The following CSMD1 variants were observed in gnomAD, a reference collection of about 807,000 sequenced individuals.
CSMD1 encodes CUB and sushi domain-containing protein 1.
In CSMD1, 213 loss-of-function variants were observed where a neutral mutation model predicts 417.5. The observed-to-expected ratio is 0.51, with a 90% CI of 0.46 to 0.57. The LOEUF (loss-of-function observed/expected upper bound fraction) is 0.57. CSMD1 is among the 20% of genes least tolerant of loss of function. The pLI is 0.00. For synonymous variants in CSMD1, 2,862 were observed against 1,736.8 expected (o/e 1.65, Z -16.11); for missense variants, 6,923 against 4,529.7 (o/e 1.53, Z -15.17).
intron 1 of CSMD1, among the ~76,000 whole-genome samples, chr8:4,915,666 G>A (rs976429185): frequency 6.6e-6 from 1 of 152,206 alleles, no homozygotes; most frequent in African/African-American, 2.4e-5. Context: ...ACGAGGGAAC[G>A]TTAGCGCCCG....
intron 42 of CSMD1, among the ~76,000 whole-genome samples, chr8:3,110,706 T>C (rs1408676200): frequency 2.6e-5 from 4 of 152,202 alleles, no homozygotes; most frequent in Admixed American, 1.3e-4. Flanking sequence ...ATGTAACTGC[T>C]TTTTCTAACT....
intron 63 of CSMD1, among the ~76,000 whole-genome samples, chr8:2,956,469 T>G (rs1803017159): frequency 6.6e-6 from 1 of 151,994 alleles, no homozygotes; most frequent in South Asian, 2.1e-4. Flanking sequence ...TATTTTTTAT[T>G]TATTTTTTGA....
rs191244840 is a variant in CSMD1, at chr8:4,528,739, G to T, written c.302+108603C>A. On this transcript the variant is annotated intron_variant, in intron 2 of 69. Coordinates refer to ENST00000635120, the MANE Select transcript of CSMD1 (RefSeq NM_033225.6). Reference sequence around the variant, plus strand: ...TTTTGTAGGTCAAAAAAATGTTTAAGTAAGATGAGAATGCTGCTGAATTTT... The same window carrying T: ...TTTTGTAGGTCAAAAAAATGTTTAATTAAGATGAGAATGCTGCTGAATTTT... Among the ~76,000 whole-genome samples, 352 of 152,084 alleles carry T rather than the reference G, an allele frequency of 2.3e-3. 1 individual carries two copies. The highest frequency in any genetic ancestry group is 8.1e-3 in the African/African-American group (338 of 41,480).
At chr8:3,380,513 G>A (rs562306630) in intron 18 of CSMD1, among the ~76,000 whole-genome samples, 1 of 152,140 alleles carries the variant, frequency 6.6e-6, no homozygotes, top group Non-Finnish European at 1.5e-5. Context: ...TGATAGGCTG[G>A]ATAAAGACAA....
chr8:4,337,386 G>A (rs906571200), intron 3 of CSMD1, among the ~76,000 whole-genome samples: 1 of 152,012 alleles, frequency 6.6e-6, no homozygotes, highest in Non-Finnish European at 1.5e-5. Context: ...CCCTTCTTCA[G>A]TAAACAGGTA....
chr8:4,179,052 T>G lies in CSMD1; in HGVS notation c.416-146953A>C, dbSNP rs189182627. Among the ~76,000 whole-genome samples the G allele has an allele frequency of 6.2e-3, 950 of 152,282 alleles. 10 individuals are homozygous for G. The highest frequency in any genetic ancestry group is 0.021 in the African/African-American group (867 of 41,546). ...CATCCCCATCAAGCTACCAATGACT[T>G]TCTTCACATAATTAGAAAAAACTAC... On this transcript the variant is annotated intron_variant, in intron 3 of 69. Coordinates refer to ENST00000635120, the MANE Select transcript of CSMD1 (RefSeq NM_033225.6).
chr8:3,499,654 G>C (rs1400996905), intron 10 of CSMD1, among the ~76,000 whole-genome samples: 1 of 152,006 alleles, frequency 6.6e-6, no homozygotes, highest in Non-Finnish European at 1.5e-5. Flanking sequence ...CCTGTCTTGA[G>C]AGTGGCCTCC....
chr8:4,304,431 G>C (rs950892703), intron 3 of CSMD1, among the ~76,000 whole-genome samples: 2 of 152,146 alleles, frequency 1.3e-5, no homozygotes, highest in East Asian at 1.9e-4. Flanking sequence ...GTGAATTTAA[G>C]TTCCAAAAGT....
chr8:3,359,437 A>G (rs1168759156), intron 20 of CSMD1, 97 bp from the exon 21 acceptor site: 6 of 936,626 alleles, frequency 6.4e-6, no homozygotes, highest in Non-Finnish European at 1.5e-6. Flanking sequence ...AAAAAAAAAA[A>G]AAAAAACCTA....
intron 12 of CSMD1, among the ~76,000 whole-genome samples, chr8:3,462,158 A>G (rs927438117): frequency 1.2e-4 from 18 of 150,790 alleles, no homozygotes; most frequent in Admixed American, 1.2e-3. Flanking sequence ...CGGGACCCAC[A>G]CTGCATTTCT....
chr8:4,625,463 A>G (rs972460985), intron 2 of CSMD1, among the ~76,000 whole-genome samples: 14 of 152,088 alleles, frequency 9.2e-5, no homozygotes, highest in African/African-American at 3.4e-4. Flanking sequence ...TATGAGCACA[A>G]TCATCGTAAA....
At chr8:3,458,131 T>C (rs961111215) in intron 12 of CSMD1, among the ~76,000 whole-genome samples, 2 of 152,208 alleles carry the variant, frequency 1.3e-5, no homozygotes, top group South Asian at 4.1e-4. Context: ...TCATTTCCAC[T>C]ACATCTTATC....
At chr8:3,200,659 G>C (rs1796947035) in intron 32 of CSMD1, among the ~76,000 whole-genome samples, 1 of 151,964 alleles carries the variant, frequency 6.6e-6, no homozygotes, top group Non-Finnish European at 1.5e-5. Context: ...TGGGAGGTGT[G>C]TGAATTGGCA....
At chr8:3,502,548 C>G (rs984104921) in intron 10 of CSMD1, among the ~76,000 whole-genome samples, 6 of 152,152 alleles carry the variant, frequency 3.9e-5, no homozygotes, top group African/African-American at 4.8e-5. Context: ...AATGAGCTGT[C>G]AAGCCATGAG....
intron 1 of CSMD1, among the ~76,000 whole-genome samples, chr8:4,919,975 C>G (rs1210055827): frequency 2.6e-5 from 4 of 152,142 alleles, no homozygotes; most frequent in Non-Finnish European, 5.9e-5. Context: ...ACTTCCCAGC[C>G]TCCAGAACCA....
At chr8:4,117,215 C>T (rs1472052482) in intron 3 of CSMD1, among the ~76,000 whole-genome samples, 1 of 146,668 alleles carries the variant, frequency 6.8e-6, no homozygotes, top group Admixed American at 7.0e-5. Flanking sequence ...CCAAGGACCC[C>T]CTCCATCTCA....
At chr8:4,081,761 C>T (rs909492251) in intron 3 of CSMD1, among the ~76,000 whole-genome samples, 1 of 151,896 alleles carries the variant, frequency 6.6e-6, no homozygotes, top group Non-Finnish European at 1.5e-5. Flanking sequence ...TTTAAAGACC[C>T]CAAATATCTG....
At chr8:3,453,786 C>G (rs1020658587) in intron 12 of CSMD1, among the ~76,000 whole-genome samples, 1 of 152,154 alleles carries the variant, frequency 6.6e-6, no homozygotes, top group Non-Finnish European at 1.5e-5. Context: ...AATATATATT[C>G]TATTGATTTG....
At chr8:4,406,786 A>T (rs1341509826) in intron 3 of CSMD1, among the ~76,000 whole-genome samples, 1 of 152,236 alleles carries the variant, frequency 6.6e-6, no homozygotes, top group Non-Finnish European at 1.5e-5. Flanking sequence ...CTCCTGAGTC[A>T]TCTGGTGTTT....
Sources: allele counts gnomAD v4.1 joint callset (sites outside exome capture counted in the v4.1 genomes callset), GRCh38; gene constraint gnomAD v4.1.1; transcripts MANE v1.5; gene names NCBI Gene and HGNC (gene_info 2026-07-23, HGNC 2026-07-21).